The following GPC3 variants were observed in gnomAD, a reference collection of about 807,000 sequenced individuals.
The protein encoded by GPC3 is glypican 3, also known as glypican-3.
Under a neutral mutation model 34.4 loss-of-function variants are expected in GPC3, and 3 were observed. The observed-to-expected ratio is 0.09, with a 90% confidence interval of 0.04 to 0.23. GPC3 has a LOEUF of 0.23. Ranked by LOEUF, GPC3 falls within the 10% of genes least tolerant of loss-of-function variation. The pLI, the probability that GPC3 is intolerant of heterozygous loss-of-function variation, is 1.00. For synonymous variants in GPC3, 177 were observed against 174.0 expected, an observed-to-expected ratio of 1.02 and a Z score of -0.13; for missense variants, 351 against 445.6, an observed-to-expected ratio of 0.79 and a Z score of 1.91.
chrX:133,759,289 A>C (rs926701645), intron 2 of GPC3, among the ~76,000 whole-genome samples: 3 of 112,059 alleles, frequency 2.7e-5, no homozygotes, highest in Non-Finnish European at 5.6e-5. Context: ...GAAACATAAA[A>C]GACTCAAAAT....
chrX:133,545,689 G>A (rs1174346874), intron 7 of GPC3, among the ~76,000 whole-genome samples: 3 of 111,360 alleles, frequency 2.7e-5, no homozygotes, highest in Admixed American at 9.5e-5. Flanking sequence ...TTTGTTAGAC[G>A]GTGCCTCTAG....
At chrX:133,617,704 C>A (rs1228622104) in intron 6 of GPC3, among the ~76,000 whole-genome samples, 1 of 111,817 alleles carries the variant, frequency 8.9e-6, no homozygotes, top group Non-Finnish European at 1.9e-5. Context: ...ATATAGAGAT[C>A]AATTTGTGAA....
chrX:133,707,296 A>G (rs1222051674), intron 3 of GPC3, among the ~76,000 whole-genome samples: 2 of 111,742 alleles, frequency 1.8e-5, no homozygotes, highest in Admixed American at 9.5e-5. Context: ...CCATACCCCA[A>G]ACCTCAGCAT....
intron 2 of GPC3, among the ~76,000 whole-genome samples, chrX:133,927,016 CT>C (rs1406800665): frequency 9.0e-6 from 1 of 111,059 alleles, no homozygotes. Flanking sequence ...AAAGGACTGG[CT>C]CTTTCTGCAC....
intron 5 of GPC3, chrX:133,670,871 C>CTTA (rs2070819936): frequency 3.4e-6 from 1 of 290,579 alleles, no homozygotes; most frequent in Admixed American, 5.3e-5. Context: ...TGTAAATGTG[C>CTTA]TTAATAAAGA....
intron 6 of GPC3, among the ~76,000 whole-genome samples, chrX:133,644,557 A>G (rs887320928): frequency 8.9e-6 from 1 of 111,934 alleles, no homozygotes; most frequent in African/African-American, 3.2e-5. Context: ...AATTTTAAAA[A>G]GCATTTGGGC....
chrX:133,818,829 C>T (rs1404416242), intron 2 of GPC3, among the ~76,000 whole-genome samples: 2 of 109,797 alleles, frequency 1.8e-5, no homozygotes, highest in Non-Finnish European at 3.8e-5. Context: ...AAAGTGGGTG[C>T]AGGTCAAAGC....
chrX:133,893,863 G>GT (rs1234967057), intron 2 of GPC3, among the ~76,000 whole-genome samples: 1 of 111,424 alleles, frequency 9.0e-6, no homozygotes, highest in Non-Finnish European at 1.9e-5. Context: ...GCTTTGTTTT[G>GT]TTTTTTGAGA....
At chrX:133,827,944 C>CAAA (rs760699432) in intron 2 of GPC3, among the ~76,000 whole-genome samples, 62 of 35,993 alleles carry the variant, frequency 1.7e-3, no homozygotes, top group African/African-American at 5.3e-3. Flanking sequence ...AACTCCATCC[C>CAAA]AAAAAAAAAA....
At position 133,699,927 on chromosome X, in the gene GPC3, T is replaced by C. The variant is rs1185378105; in HGVS notation, c.1134A>G (p.Val378=). 1 of 1,201,745 alleles carries C rather than the reference T, an allele frequency of 8.3e-7. No homozygotes were observed. Among genetic ancestry groups the C allele is most frequent in the Non-Finnish European group, 1.1e-6 (1 of 886,976 alleles). Residue 378 remains valine, a synonymous_variant, in exon 4 of 8, where the codon GTA becomes GTG. Transcript: ENST00000370818. ...GGCTGGATAAGGTTTCTTCATGTTC[T>C]ACATGAGCAACTTTTAATACTTTCT... ...IDKKVLKVAH[V]EHEETLSSRR...
intron 2 of GPC3, among the ~76,000 whole-genome samples, chrX:133,755,736 T>C (rs2087222604): frequency 8.9e-6 from 1 of 111,925 alleles, no homozygotes; most frequent in African/African-American, 3.3e-5. Context: ...TGTTTGTTTG[T>C]TTGTTTGTTT....
At chrX:133,546,770 CA>C (rs781379328) in intron 7 of GPC3, among the ~76,000 whole-genome samples, 1 of 111,169 alleles carries the variant, frequency 9.0e-6, no homozygotes, top group South Asian at 3.8e-4. Context: ...GGAGGTTCCT[CA>C]AAAAACAAAA....
chrX:133,776,794 C>T (rs1442852821), intron 2 of GPC3, among the ~76,000 whole-genome samples: 1 of 110,917 alleles, frequency 9.0e-6, no homozygotes, highest in African/African-American at 3.3e-5. Flanking sequence ...CAATCACAGT[C>T]CACGAACTTT....
At chrX:133,967,181 C>G (rs991979360) in intron 1 of GPC3, among the ~76,000 whole-genome samples, 2 of 111,891 alleles carry the variant, frequency 1.8e-5, no homozygotes, top group Non-Finnish European at 1.9e-5. Context: ...CCAAATGTTT[C>G]CTAAAATTGA....
intron 2 of GPC3, among the ~76,000 whole-genome samples, chrX:133,865,400 T>A (rs2075961964): frequency 8.9e-6 from 1 of 112,233 alleles, no homozygotes; most frequent in Non-Finnish European, 1.9e-5. Context: ...CAAAATATTG[T>A]GATTTCATAT....
chrX:133,645,336 G>A (rs1054950191), intron 6 of GPC3, among the ~76,000 whole-genome samples: 1 of 111,559 alleles, frequency 9.0e-6, no homozygotes, highest in Admixed American at 9.5e-5. Flanking sequence ...TTCACCTGGC[G>A]ATTGTTTGCC....
At chrX:133,664,136 C>T (rs1410585337) in intron 5 of GPC3, among the ~76,000 whole-genome samples, 1 of 112,331 alleles carries the variant, frequency 8.9e-6, no homozygotes, top group Non-Finnish European at 1.9e-5. Flanking sequence ...CTACTGTTTA[C>T]ATTATGTATA....
At chrX:133,836,078 G>A (rs975547060) in intron 2 of GPC3, among the ~76,000 whole-genome samples, 15 of 113,556 alleles carry the variant, frequency 1.3e-4, no homozygotes, top group African/African-American at 4.8e-4. Flanking sequence ...GTTACAGCAA[G>A]GACTTAGCCC....
At chrX:133,846,984 T>C (rs2075849616) in intron 2 of GPC3, among the ~76,000 whole-genome samples, 1 of 111,863 alleles carries the variant, frequency 8.9e-6, no homozygotes, top group African/African-American at 3.2e-5. Context: ...ATGTTCTTTA[T>C]TTTGAAATCT....
Sources: gnomAD v4.1 joint callset for allele counts (sites outside exome capture counted in the v4.1 genomes callset) on GRCh38, gnomAD v4.1.1 for gene constraint, MANE v1.5 for transcripts, NCBI Gene and HGNC (gene_info 2026-07-23, HGNC 2026-07-21) for gene names.